Variants in CLVS2 observed in about 807,000 individuals in gnomAD.
The protein encoded by CLVS2 is clavesin-2.
CLVS2 carries 19 observed loss-of-function variants against 29.0 expected under a neutral mutation model. The observed-to-expected ratio is 0.66, with a 90% CI of 0.46 to 0.96. The LOEUF is 0.96. CLVS2 is among the 40% of genes least tolerant of loss of function. The probability of loss-of-function intolerance (pLI) is 0.00; values close to 1 mark genes in which losing one functional copy is unlikely to be tolerated. For synonymous variants in CLVS2, 161 were observed against 151.3 expected (o/e 1.06, Z -0.47); for missense variants, 294 against 404.1 (o/e 0.73, Z 2.34).
intron 3 of CLVS2, among the ~76,000 whole-genome samples, chr6:123,015,855 T>G (rs2114313695): frequency 6.6e-6 from 1 of 152,114 alleles, no homozygotes; most frequent in African/African-American, 2.4e-5. Flanking sequence ...CAAGGATAAC[T>G]TTTATTAATA....
intron 4 of CLVS2, among the ~76,000 whole-genome samples, chr6:123,052,279 T>G (rs1772622287): frequency 6.6e-6 from 1 of 152,126 alleles, no homozygotes; most frequent in African/African-American, 2.4e-5. Flanking sequence ...ATGTGCAGGA[T>G]GTAGGTCAAC....
At position 123,035,294 on chromosome 6, in the gene CLVS2, A is replaced by C. The variant is rs887764040; in HGVS notation, c.565-13328A>C. On this transcript the variant is annotated intron_variant, in intron 3 of 5. Transcript: ENST00000275162. ...TTTTTAGGATTAATACATAAATCTTAAAATGGAACTTACCATTGGGTACAC... is the reference window on the plus strand; with the variant it reads ...TTTTTAGGATTAATACATAAATCTTCAAATGGAACTTACCATTGGGTACAC... Among the ~76,000 whole-genome samples the C allele has an allele frequency of 7.9e-5, 12 of 152,180 alleles. No individual in the cohort carries two copies. The East Asian group carries it at 2.1e-3, about 27-fold the overall frequency.
intron 3 of CLVS2, among the ~76,000 whole-genome samples, chr6:123,043,612 A>G (rs1174295683): frequency 1.3e-5 from 2 of 152,170 alleles, no homozygotes; most frequent in Admixed American, 6.5e-5. Context: ...CACACTGAAA[A>G]CACATATTAA....
chr6:123,041,627 T>C (rs1331053997), intron 3 of CLVS2, among the ~76,000 whole-genome samples: 1 of 152,164 alleles, frequency 6.6e-6, no homozygotes, highest in Non-Finnish European at 1.5e-5. Flanking sequence ...TTAGCCAATA[T>C]TAACACATAT....
At chr6:123,054,261 TAAG>T (rs1255393520) in intron 4 of CLVS2, among the ~76,000 whole-genome samples, 2 of 152,328 alleles carry the variant, frequency 1.3e-5, no homozygotes, top group East Asian at 1.9e-4. Flanking sequence ...TTTCTTCTTA[TAAG>T]AAGAACACAG....
chr6:123,037,568 G>A (rs961864390), intron 3 of CLVS2, among the ~76,000 whole-genome samples: 2 of 151,930 alleles, frequency 1.3e-5, no homozygotes, highest in Admixed American at 1.3e-4. Flanking sequence ...AGACACCTAT[G>A]ACCCTTATTC....
At chr6:123,026,043 C>A (rs1331442423) in intron 3 of CLVS2, among the ~76,000 whole-genome samples, 1 of 151,782 alleles carries the variant, frequency 6.6e-6, no homozygotes, top group African/African-American at 2.4e-5. Context: ...ACATAGTAGG[C>A]ATATAGTAAG....
Position 123,068,734 on chromosome 6 carries a change from A to T in CLVS2, c.*4973A>T, listed in dbSNP as rs531446666. Reference sequence around the variant, plus strand: ...TACTCAAATGTTATTAATTTTTACTACTACAAACTACTTATTTAGTACTAC... The same window carrying T: ...TACTCAAATGTTATTAATTTTTACTTCTACAAACTACTTATTTAGTACTAC... On this transcript the variant is annotated 3_prime_UTR_variant, in exon 6 of 6. Transcript: ENST00000275162. 5 of 151,896 alleles carry T rather than the reference A, an allele frequency of 3.3e-5. No homozygotes were observed. Among genetic ancestry groups the T allele is most frequent in the African/African-American group, 1.2e-4 (5 of 41,540 alleles). 9.4% of individuals were successfully genotyped at this position (151,896 alleles called of 1,614,324 possible). A position where few individuals can be genotyped will look rare whatever the true frequency, so the allele number is the denominator to read the frequency against.
In CLVS2 at chr6:123,058,631, C is replaced by G. The variant is rs76583050; in HGVS notation, c.896+2605C>G. Among the ~76,000 whole-genome samples the G allele has an allele frequency of 8.9e-4, 135 of 152,142 alleles. 2 individuals are homozygous for G. In the East Asian group the frequency reaches 0.024, roughly 27 times the overall value. On this transcript the variant is annotated intron_variant, in intron 5 of 5. Transcript: ENST00000275162. ...TTAAAATATGAATCAGACCATGTCA[C>G]ATCTTGGCTTTATTTTTATTTTTAT...
intron 3 of CLVS2, among the ~76,000 whole-genome samples, chr6:123,039,441 C>A (rs977625622): frequency 2.6e-4 from 39 of 152,178 alleles, no homozygotes; most frequent in Admixed American, 1.3e-4. Context: ...AATAAAGGAG[C>A]CTGACTTAGG....
At chr6:123,002,816 A>G (rs1379572115) in intron 2 of CLVS2, among the ~76,000 whole-genome samples, 1 of 152,208 alleles carries the variant, frequency 6.6e-6, no homozygotes, top group Non-Finnish European at 1.5e-5. Context: ...CTACTGGCAG[A>G]GTCTGGAGTC....
chr6:123,054,165 C>A (rs1772657360), intron 4 of CLVS2, among the ~76,000 whole-genome samples: 1 of 152,108 alleles, frequency 6.6e-6, no homozygotes, highest in South Asian at 2.1e-4. Context: ...TGTGAATGAT[C>A]CCATTTGATA....
At chr6:123,056,783 C>A (rs1772699227) in intron 5 of CLVS2, among the ~76,000 whole-genome samples, 1 of 152,156 alleles carries the variant, frequency 6.6e-6, no homozygotes, top group African/African-American at 2.4e-5. Flanking sequence ...AGAAAGCAAC[C>A]ACACACACCA....
Position 122,997,604 on chromosome 6 carries a change from A to C in CLVS2, c.-174A>C. On this transcript the variant is annotated 5_prime_UTR_variant, in exon 2 of 6. Coordinates refer to ENST00000275162, the MANE Select transcript of CLVS2 (RefSeq NM_001010852.4). The stretch of plus-strand genomic sequence containing the variant: ...CCGGCCCCCCCAGCTTTGCTGGGGG[A>C]AAGCAGGAGCAACAGGGCACTTGAT... 7 of 542,274 alleles carry C rather than the reference A, an allele frequency of 1.3e-5. No individual in the cohort carries two copies. Among genetic ancestry groups the C allele is most frequent in the African/African-American group, 1.9e-5 (1 of 51,338 alleles). The allele number at this position is 542,274 out of a possible 1,614,324, so 33.6% of individuals were successfully genotyped here. A position where few individuals can be genotyped will look rare whatever the true frequency, so the allele number is the denominator to read the frequency against.
In CLVS2 at chr6:123,057,334, C is replaced by CTTTT. The variant is rs71541220; in HGVS notation, c.896+1336_896+1339dup. Among the ~76,000 whole-genome samples the CTTTT allele has an allele frequency of 7.8e-4, 65 of 83,678 alleles. 1 individual carries two copies. The highest frequency in any genetic ancestry group is 1.8e-3 in the African/African-American group (40 of 21,710). 54.9% of individuals were successfully genotyped at this position (83,678 alleles called of 152,430 possible). On this transcript the variant is annotated intron_variant, in intron 5 of 5. Transcript: ENST00000275162. ...GTGCCTGTTCTTTAAGGATGGTCTTCTTTTTTTTTTTTTTTTTTTTTTTTT... is the reference window on the plus strand; with the variant it reads ...GTGCCTGTTCTTTAAGGATGGTCTTCTTTTTTTTTTTTTTTTTTTTTTTTTTTTT...
intron 3 of CLVS2, among the ~76,000 whole-genome samples, chr6:123,044,317 A>G (rs1162543034): frequency 6.6e-6 from 1 of 152,226 alleles, no homozygotes; most frequent in Non-Finnish European, 1.5e-5. Flanking sequence ...CTTAAACCAC[A>G]GTGTAAAACT....
Position 123,066,420 on chromosome 6 carries a change from A to C in CLVS2, c.*2659A>C, listed in dbSNP as rs1772856854. The C allele has an allele frequency of 6.6e-6, 1 of 151,252 alleles. No homozygotes were observed. Among genetic ancestry groups the C allele is most frequent in the South Asian group, 2.1e-4 (1 of 4,816 alleles). 9.4% of individuals were successfully genotyped at this position (151,252 alleles called of 1,614,324 possible). On this transcript the variant is annotated 3_prime_UTR_variant, in exon 6 of 6. Transcript: ENST00000275162. ...CACACTAGACTGTTTGCCCTAATGA[A>C]TTTTCCTCTGTACTTCGAGAGCTAT... is the stretch of plus-strand genomic sequence containing the variant.
intron 3 of CLVS2, among the ~76,000 whole-genome samples, chr6:123,040,258 T>C (rs1334023848): frequency 6.6e-6 from 1 of 152,222 alleles, no homozygotes; most frequent in African/African-American, 2.4e-5. Context: ...TATACTCCTG[T>C]AGGTTTTTTC....
chr6:122,999,463 G>T (rs1210246413), intron 2 of CLVS2, among the ~76,000 whole-genome samples: 1 of 152,154 alleles, frequency 6.6e-6, no homozygotes, highest in Non-Finnish European at 1.5e-5. Context: ...TACAGAGTTA[G>T]CCATTCAGAG....
Sources: allele counts gnomAD v4.1 joint callset (sites outside exome capture counted in the v4.1 genomes callset), GRCh38; gene constraint gnomAD v4.1.1; transcripts MANE v1.5; gene names NCBI Gene and HGNC (gene_info 2026-07-23, HGNC 2026-07-21).